The following DPH7 variants were observed in gnomAD, a reference collection of about 807,000 sequenced individuals.
The protein encoded by DPH7 is diphthamide biosynthesis 7.
Under a neutral mutation model 41.7 loss-of-function variants are expected in DPH7, and 44 were observed. The ratio of observed to expected loss-of-function variants is 1.05; its 90% confidence interval spans 0.83 to 1.36. The LOEUF (loss-of-function observed/expected upper bound fraction) is 1.36. DPH7 is among the 40% of genes most tolerant of loss of function. The pLI, the probability that DPH7 is intolerant of heterozygous loss-of-function variation, is 0.00. For synonymous variants in DPH7, 275 were observed against 238.0 expected (o/e 1.16, Z -1.43); for missense variants, 629 against 577.5 (o/e 1.09, Z -0.91).
intron 1 of DPH7, chr9:137,578,260 G>A (rs11137136): frequency 0.22 from 34,058 of 153,328 alleles, 4,018 homozygotes; most frequent in Admixed American, 0.34. Context: ...TGCCTCCCGG[G>A]TTCACGCCAT....
rs1251145922 is a variant in DPH7 at position 137,576,119 on chromosome 9, G to A, written c.336C>T (p.Ala112=). ...GGCGGAGCAGTTGTATGGATCCACT[G>A]GCATCTGCCAAGCCCAAGAGGGCAT... ...AGHALLGLAD[A]SGSIQLLRLV... is the part of the protein sequence containing the mutation. Residue 112 remains alanine (A), a synonymous_variant, in exon 3 of 9, where the codon GCC becomes GCT. Coordinates refer to ENST00000277540, the MANE Select transcript of DPH7 (RefSeq NM_138778.5). 1 of 1,613,912 alleles carries A rather than the reference G, an allele frequency of 6.2e-7. No individual in the cohort carries two copies. Among genetic ancestry groups the A allele is most frequent in the Admixed American group, 1.7e-5 (1 of 60,034 alleles).
intron 8 of DPH7, among the ~76,000 whole-genome samples, chr9:137,560,668 C>A (rs1730059654): frequency 6.6e-6 from 1 of 152,140 alleles, no homozygotes; most frequent in Admixed American, 6.6e-5. Context: ...TCCTGGCTAA[C>A]ACGGTGAAAC....
intron 2 of DPH7, among the ~76,000 whole-genome samples, chr9:137,576,991 C>T (rs1159763273): frequency 1.3e-5 from 2 of 150,790 alleles, no homozygotes; most frequent in Non-Finnish European, 2.9e-5. Flanking sequence ...GAGTTCAAGG[C>T]TGCAGTGAGC....
At chr9:137,577,343 G>A (rs72765173) in intron 2 of DPH7, 127 bp downstream of exon 2, 14,205 of 944,936 alleles carry the variant, frequency 0.015, 149 homozygotes, top group Non-Finnish European at 0.019. Context: ...GAAGATAGGC[G>A]GGACAGCAAA....
At chr9:137,558,259 G>C (rs76795696) in intron 8 of DPH7, among the ~76,000 whole-genome samples, 2 of 152,226 alleles carry the variant, frequency 1.3e-5, no homozygotes, top group African/African-American at 4.8e-5. Flanking sequence ...GCTGGATGCA[G>C]TGGCTCAAGC....
chr9:137,561,927 C>T (rs1035485238), intron 8 of DPH7, among the ~76,000 whole-genome samples: 4 of 152,098 alleles, frequency 2.6e-5, no homozygotes, highest in Non-Finnish European at 5.9e-5. Context: ...TGCAGTGGCG[C>T]GATCTCGGCT....
intron 5 of DPH7, among the ~76,000 whole-genome samples, chr9:137,570,002 A>G (rs1039278664): frequency 2.2e-5 from 3 of 136,360 alleles, no homozygotes; most frequent in African/African-American, 8.5e-5. Context: ...CCAGTCACCC[A>G]CCATCTATCC....
chr9:137,560,200 C>T (rs1399459136), intron 8 of DPH7, among the ~76,000 whole-genome samples: 1 of 152,064 alleles, frequency 6.6e-6, no homozygotes, highest in Non-Finnish European at 1.5e-5. Flanking sequence ...AGAAAAGTAT[C>T]AAGTATTCAG....
At chr9:137,560,790 A>C (rs1838394486) in intron 8 of DPH7, among the ~76,000 whole-genome samples, 2 of 150,798 alleles carry the variant, frequency 1.3e-5, no homozygotes, top group Non-Finnish European at 2.9e-5. Context: ...CGGGAGGCGG[A>C]GCTTGCAGTG....
At chr9:137,569,719 GATCC>G (rs772760705) in intron 5 of DPH7, among the ~76,000 whole-genome samples, 1,198 of 95,444 alleles carry the variant, frequency 0.013, 10 homozygotes, top group African/African-American at 0.025. Flanking sequence ...ATCCACCCAT[GATCC>G]ATCCATCCAT....
intron 8 of DPH7, among the ~76,000 whole-genome samples, chr9:137,562,020 G>C (rs544783563): frequency 6.6e-6 from 1 of 152,186 alleles, no homozygotes; most frequent in East Asian, 1.9e-4. Flanking sequence ...ACCCACCACA[G>C]CGCCTGGCTA....
chr9:137,564,915 C>T lies in DPH7; in HGVS notation c.754G>A (p.Glu252Lys), dbSNP rs1839317426. The part of the protein sequence containing the change: ...VCSIQSSPHR[E>K]HILATGSYDE... ...CACCTTCCCGTGGCCAGGATGTGCTCCCGATGAGGGCTGCTCTGGATGCTG... is the reference window on the plus strand; with the variant it reads ...CACCTTCCCGTGGCCAGGATGTGCTTCCGATGAGGGCTGCTCTGGATGCTG... Residue 252 changes from glutamate (E) to lysine (K), a missense_variant, in exon 7 of 9, where the codon GAG (glutamate) becomes AAG (lysine). Physicochemically the swap from Glu to Lys is moderately conservative, Grantham distance 56 (BLOSUM62 1). Transcript: ENST00000277540. 1.9e-6 allele frequency: 3 copies of T among 1,596,702 alleles called. No individual in the cohort carries two copies. The highest frequency in any genetic ancestry group is 2.6e-6 in the Non-Finnish European group (3 of 1,171,668).
rs1016698780 is a variant in DPH7 at position 137,554,950 on chromosome 9, T to C, written c.*289A>G. 5.5e-6 allele frequency: 2 copies of C among 361,292 alleles called. No individual in the cohort carries two copies. The highest frequency in any genetic ancestry group is 9.3e-5 in the South Asian group (1 of 10,704). The allele number at this position is 361,292 out of a possible 1,614,324, so 22.4% of individuals were successfully genotyped here. ...ATACAAATAGTTGCTTAAACAAGTA[T>C]GAAAGGCTGAAAGTCAAAATCTGCC... On this transcript the variant is annotated 3_prime_UTR_variant, in exon 9 of 9. Coordinates refer to ENST00000277540, the MANE Select transcript of DPH7 (RefSeq NM_138778.5).
chr9:137,577,989 G>A (rs1841724147), intron 1 of DPH7: 1 of 985,118 alleles, frequency 1.0e-6, no homozygotes, highest in African/African-American at 1.7e-5. Flanking sequence ...ATTCCCTTGG[G>A]CCACACCTGT....
chr9:137,560,230 G>A (rs917437686), intron 8 of DPH7, among the ~76,000 whole-genome samples: 6 of 152,126 alleles, frequency 3.9e-5, no homozygotes, highest in African/African-American at 1.2e-4. Context: ...AAACACCACC[G>A]AGGGCCTCTC....
At chr9:137,577,883 T>C (rs1841700724) in intron 1 of DPH7, 1 of 854,814 alleles carries the variant, frequency 1.2e-6, no homozygotes, top group African/African-American at 1.8e-5. Context: ...AGTCCTGACT[T>C]ACGCCTGTTG....
Position 137,555,545 on chromosome 9 carries a change from G to T in DPH7, c.1053C>A (p.Ala351=). Residue 351 remains alanine (A), a synonymous_variant, in exon 9 of 9, where the codon GCC becomes GCA. Coordinates refer to ENST00000277540, the MANE Select transcript of DPH7 (RefSeq NM_138778.5). ...SWLLFRSLQR[A]PSWSFPSNLG... is the part of the protein sequence containing the mutation. ...GGTTGCTAGGAAAGGACCACGAGGGGGCCCGCTGCAGAGAACGGAAGAGCA... is the reference window on the plus strand; with the variant it reads ...GGTTGCTAGGAAAGGACCACGAGGGTGCCCGCTGCAGAGAACGGAAGAGCA... 1 of 1,613,976 alleles carries T rather than the reference G, an allele frequency of 6.2e-7. No homozygotes were observed. The highest frequency in any genetic ancestry group is 1.1e-5 in the South Asian group (1 of 91,074).
chr9:137,572,230 A>G (rs1035743315), intron 5 of DPH7, among the ~76,000 whole-genome samples: 23 of 152,210 alleles, frequency 1.5e-4, no homozygotes, highest in African/African-American at 5.5e-4. Context: ...TCACCCATGA[A>G]GGAAACATCC....
rs116926780 is a variant in DPH7 at position 137,571,079 on chromosome 9, C to T, written c.640+3129G>A. Among the ~76,000 whole-genome samples the T allele has an allele frequency of 2.0e-3, 311 of 151,988 alleles. 6 individuals are homozygous for T. The East Asian group carries it at 0.051, about 25-fold the overall frequency. ...AGGCTGAGGCAGGAGGATCGCTTGACCCTGGGAGGTTAAGGCTGCCGTGAC... is the reference window on the plus strand; with the variant it reads ...AGGCTGAGGCAGGAGGATCGCTTGATCCTGGGAGGTTAAGGCTGCCGTGAC... On this transcript the variant is annotated intron_variant, in intron 5 of 8. Coordinates refer to ENST00000277540, the MANE Select transcript of DPH7 (RefSeq NM_138778.5).
Sources: allele counts gnomAD v4.1 joint callset (sites outside exome capture counted in the v4.1 genomes callset), GRCh38; gene constraint gnomAD v4.1.1; transcripts MANE v1.5; gene names NCBI Gene and HGNC (gene_info 2026-07-23, HGNC 2026-07-21).